The following B3GAT2 variants were observed in gnomAD, a reference collection of about 807,000 sequenced individuals.
B3GAT2 encodes galactosylgalactosylxylosylprotein 3-beta-glucuronosyltransferase 2.
B3GAT2 carries 26 observed loss-of-function variants against 27.8 expected under a neutral mutation model. That is an observed-to-expected ratio of 0.93 (90% CI 0.68 to 1.30). The LOEUF (loss-of-function observed/expected upper bound fraction) is 1.30. Ranked by LOEUF, B3GAT2 falls within the 50% of genes most tolerant of loss-of-function variation. The pLI is 0.00. For missense variants in B3GAT2, 458 were observed against 459.0 expected (o/e 1.00, Z 0.02); for synonymous variants, 218 against 195.1 (o/e 1.12, Z -0.98).
Position 70,859,380 on chromosome 6 carries a change from T to C in B3GAT2, c.*2283A>G, listed in dbSNP as rs1296751715. 2.6e-6 allele frequency: 4 copies of C among 1,549,558 alleles called. No homozygotes were observed. Among genetic ancestry groups the C allele is most frequent in the African/African-American group, 2.7e-5 (2 of 73,142 alleles). ...CCAGCACTCCATCAGTGCAATCTAC[T>C]GGCCAATGACAAGGTGGTTAAAATG... is the stretch of plus-strand genomic sequence containing the variant. On this transcript the variant is annotated 3_prime_UTR_variant, in exon 4 of 4. Transcript: ENST00000230053.
At position 70,945,608 on chromosome 6, in the gene B3GAT2, A is replaced by T. The variant is rs571520105; in HGVS notation, c.591+10231T>A. 2.6e-5 allele frequency among the ~76,000 whole-genome samples: 4 copies of T among 151,212 alleles called. No individual in the cohort carries two copies. In the East Asian group the frequency reaches 7.8e-4, roughly 29 times the overall value. On this transcript the variant is annotated intron_variant, in intron 1 of 3. Transcript: ENST00000230053. ...AAATCTACGTCTGATTGTGTACCTGAAAGTGACGGGGAGGATGGAACCGAG... is the reference window on the plus strand; with the variant it reads ...AAATCTACGTCTGATTGTGTACCTGTAAGTGACGGGGAGGATGGAACCGAG...
At chr6:70,921,893 T>C (rs1582382201) in intron 1 of B3GAT2, among the ~76,000 whole-genome samples, 1 of 152,214 alleles carries the variant, frequency 6.6e-6, no homozygotes, top group Non-Finnish European at 1.5e-5. Context: ...GGCTATGTGA[T>C]GTAACGCTGA....
intron 1 of B3GAT2, among the ~76,000 whole-genome samples, chr6:70,941,377 A>C (rs1429299493): frequency 1.3e-5 from 2 of 152,114 alleles, no homozygotes; most frequent in African/African-American, 4.8e-5. Context: ...GAGGCAGTCA[A>C]CCCTTGCCAA....
chr6:70,950,936 C>G (rs1765569944), intron 1 of B3GAT2, among the ~76,000 whole-genome samples: 1 of 152,124 alleles, frequency 6.6e-6, no homozygotes, highest in Non-Finnish European at 1.5e-5. Context: ...AATTACCAGG[C>G]ATGAACAACA....
chr6:70,944,716 C>T (rs1239183024), intron 1 of B3GAT2, among the ~76,000 whole-genome samples: 8 of 152,168 alleles, frequency 5.3e-5, no homozygotes, highest in Non-Finnish European at 1.2e-4. Flanking sequence ...TTGAAAAGAG[C>T]AGTGGTTCTC....
At chr6:70,879,906 G>T (rs984026755) in intron 2 of B3GAT2, among the ~76,000 whole-genome samples, 4 of 152,178 alleles carry the variant, frequency 2.6e-5, no homozygotes, top group African/African-American at 7.2e-5. Context: ...CGGGGGTGGG[G>T]ATGCCCAACC....
intron 1 of B3GAT2, among the ~76,000 whole-genome samples, chr6:70,902,334 TA>T (rs201337702): frequency 5.8e-4 from 84 of 144,158 alleles, no homozygotes; most frequent in Admixed American, 6.2e-4. Context: ...ACATCCATGC[TA>T]AAAAAAAAAA....
intron 1 of B3GAT2, among the ~76,000 whole-genome samples, chr6:70,949,684 T>C (rs1370604551): frequency 2.0e-5 from 3 of 151,814 alleles, no homozygotes; most frequent in African/African-American, 4.8e-5. Flanking sequence ...TATCATTTGA[T>C]CCAGCCATCC....
chr6:70,946,097 G>A (rs577851785), intron 1 of B3GAT2, among the ~76,000 whole-genome samples: 81 of 152,090 alleles, frequency 5.3e-4, no homozygotes, highest in Non-Finnish European at 8.4e-4. Flanking sequence ...AGGCACAACC[G>A]GTACCAGCCA....
At position 70,956,038 on chromosome 6, in the gene B3GAT2, G is replaced by A. The variant is rs760823778; in HGVS notation, c.392C>T (p.Ala131Val). ...ARSELVSRFL[A>V]RAGLPSTHLH... ...GTGAGTGCTGGGCAGCCCGGCCCGC[G>A]CCAGGAAGCGGCTCACCAGCTCGCT... Residue 131 changes from alanine (A) to valine (V), a missense_variant, in exon 1 of 4, where the codon GCG (alanine) becomes GTG (valine). Transcript: ENST00000230053. 2 of 1,561,220 alleles carry A rather than the reference G, an allele frequency of 1.3e-6. No homozygotes were observed. Among genetic ancestry groups the A allele is most frequent in the Non-Finnish European group, 1.7e-6 (2 of 1,161,362 alleles).
At chr6:70,908,000 G>C (rs1017902318) in intron 1 of B3GAT2, among the ~76,000 whole-genome samples, 3 of 152,148 alleles carry the variant, frequency 2.0e-5, no homozygotes, top group African/African-American at 7.2e-5. Context: ...CCATTCTGTT[G>C]GACCAGAAGT....
At chr6:70,923,500 ACT>A (rs1772904807) in intron 1 of B3GAT2, among the ~76,000 whole-genome samples, 2 of 151,868 alleles carry the variant, frequency 1.3e-5, no homozygotes, top group Non-Finnish European at 2.9e-5. Context: ...GTGTAGTGAG[ACT>A]CTCTACAAAA....
intron 1 of B3GAT2, among the ~76,000 whole-genome samples, chr6:70,943,770 C>G (rs1331704009): frequency 1.3e-5 from 2 of 151,918 alleles, no homozygotes; most frequent in East Asian, 3.9e-4. Context: ...ATAAAATTTT[C>G]ACAAGACCAA....
At chr6:70,904,758 G>A (rs914724217) in intron 1 of B3GAT2, among the ~76,000 whole-genome samples, 7 of 152,288 alleles carry the variant, frequency 4.6e-5, no homozygotes, top group South Asian at 2.1e-4. Context: ...ATAATTACAG[G>A]GGGTGTGTGT....
chr6:70,906,157 A>G (rs1262139731), intron 1 of B3GAT2, among the ~76,000 whole-genome samples: 1 of 152,196 alleles, frequency 6.6e-6, no homozygotes, highest in African/African-American at 2.4e-5. Context: ...ACGAAAACCA[A>G]CGATCTATCT....
In B3GAT2 at chr6:70,858,491, G is replaced by A. The variant is rs574885848; in HGVS notation, c.*3172C>T. The A allele has an allele frequency of 1.6e-5, 5 of 307,116 alleles. No homozygotes were observed. The highest frequency in any genetic ancestry group is 4.7e-5 in the Admixed American group (1 of 21,068). 19.0% of individuals were successfully genotyped at this position (307,116 alleles called of 1,614,324 possible). On this transcript the variant is annotated 3_prime_UTR_variant, in exon 4 of 4. Coordinates refer to ENST00000230053, the MANE Select transcript of B3GAT2 (RefSeq NM_080742.3). ...TTTCATTTCAAATTGTAATGTAACTGTAACGTGAACACCACTAATGGCCAG... is the reference window on the plus strand; with the variant it reads ...TTTCATTTCAAATTGTAATGTAACTATAACGTGAACACCACTAATGGCCAG...
Position 70,956,493 on chromosome 6 carries a change from A to T in B3GAT2, c.-64T>A, listed in dbSNP as rs1765660592. 3 of 1,545,960 alleles carry T rather than the reference A, an allele frequency of 1.9e-6. No individual in the cohort carries two copies. In the East Asian group the frequency reaches 7.3e-5, roughly 38 times the overall value. On this transcript the variant is annotated 5_prime_UTR_variant, in exon 1 of 4. Transcript: ENST00000230053. ...GGCGAGCCGAGGGACCCCAGTGCGCAGCTTGGACAGCGGCGGCGCCAGCAC... is the reference window on the plus strand; with the variant it reads ...GGCGAGCCGAGGGACCCCAGTGCGCTGCTTGGACAGCGGCGGCGCCAGCAC...
chr6:70,954,041 C>T (rs546662647), intron 1 of B3GAT2, among the ~76,000 whole-genome samples: 36 of 152,358 alleles, frequency 2.4e-4, no homozygotes, highest in African/African-American at 8.4e-4. Context: ...ATTCCTCCTT[C>T]ACAATCTAGC....
intron 1 of B3GAT2, among the ~76,000 whole-genome samples, chr6:70,917,284 T>C (rs2150040821): frequency 6.6e-6 from 1 of 152,314 alleles, no homozygotes; most frequent in South Asian, 2.1e-4. Flanking sequence ...TTGATTCTTC[T>C]CTCTTTTCTT....
Sources: allele counts gnomAD v4.1 joint callset (sites outside exome capture counted in the v4.1 genomes callset), GRCh38; gene constraint gnomAD v4.1.1; transcripts MANE v1.5; gene names NCBI Gene and HGNC (gene_info 2026-07-23, HGNC 2026-07-21).